Variants in TMTC4 observed in about 807,000 individuals in gnomAD.
TMTC4 encodes transmembrane O-mannosyltransferase targeting cadherins 4, also known as protein O-mannosyl-transferase TMTC4.
Under a neutral mutation model 86.0 loss-of-function variants are expected in TMTC4, and 65 were observed. The observed-to-expected ratio is 0.76, with a 90% CI of 0.62 to 0.93. TMTC4 has a LOEUF of 0.93. Among genes scored for constraint, TMTC4 ranks in the 40% least tolerant of loss-of-function variants. The pLI, the probability that TMTC4 is intolerant of heterozygous loss-of-function variation, is 0.00. For synonymous variants in TMTC4, 379 were observed against 382.5 expected, an observed-to-expected ratio of 0.99 and a Z score of 0.11; for missense variants, 866 against 948.1, an observed-to-expected ratio of 0.91 and a Z score of 1.14.
chr13:100,667,790 C>T (rs1886570264), intron 3 of TMTC4, among the ~76,000 whole-genome samples: 1 of 152,164 alleles, frequency 6.6e-6, no homozygotes, highest in African/African-American at 2.4e-5. Context: ...TGTTGAGAGG[C>T]TCTAACTTGT....
chr13:100,642,202 G>A lies in TMTC4; in HGVS notation c.741+9C>T, dbSNP rs201505165. 1.5e-4 allele frequency: 240 copies of A among 1,613,812 alleles called. No homozygotes were observed. The African/African-American group carries it at 2.7e-3, about 18-fold the overall frequency. ...AAAAAGCAGGCCCCAGCCATGTTGCGGCTCTCACCAGCACAGTGATCCCTT... is the reference window on the plus strand; with the variant it reads ...AAAAAGCAGGCCCCAGCCATGTTGCAGCTCTCACCAGCACAGTGATCCCTT... On this transcript the variant is annotated intron_variant, in intron 7 of 18. Transcript: ENST00000342624.
At chr13:100,607,392 C>T (rs1244709614) in intron 17 of TMTC4, among the ~76,000 whole-genome samples, 1 of 152,078 alleles carries the variant, frequency 6.6e-6, no homozygotes, top group Non-Finnish European at 1.5e-5. Context: ...TAGTACGTGC[C>T]TGTAATCCCA....
At chr13:100,635,428 T>C (rs1034461410) in intron 10 of TMTC4, among the ~76,000 whole-genome samples, 1 of 152,070 alleles carries the variant, frequency 6.6e-6, no homozygotes, top group Non-Finnish European at 1.5e-5. Flanking sequence ...AGGGTAAAAC[T>C]CAAAAGCCAT....
Position 100,663,540 on chromosome 13 carries a change from C to T in TMTC4, c.336-360G>A, listed in dbSNP as rs1331574354. On this transcript the variant is annotated intron_variant, in intron 4 of 18. Coordinates refer to ENST00000342624, the MANE Select transcript of TMTC4 (RefSeq NM_032813.5). ...TATTCCACACACTACTCATGGTTACCCCCTAGGGACCTGGATTTAAGACAG... is the reference window on the plus strand; with the variant it reads ...TATTCCACACACTACTCATGGTTACTCCCTAGGGACCTGGATTTAAGACAG... 3.9e-5 allele frequency among the ~76,000 whole-genome samples: 6 copies of T among 152,116 alleles called. No homozygotes were observed. In the East Asian group the frequency reaches 1.2e-3, roughly 29 times the overall value.
chr13:100,651,385 G>C (rs1221947183), intron 6 of TMTC4, among the ~76,000 whole-genome samples: 1 of 150,800 alleles, frequency 6.6e-6, no homozygotes, highest in Non-Finnish European at 1.5e-5. Flanking sequence ...CATCTCACTA[G>C]TGTTTTTTGT....
At chr13:100,623,256 A>G (rs1344593060) in intron 15 of TMTC4, among the ~76,000 whole-genome samples, 3 of 152,194 alleles carry the variant, frequency 2.0e-5, no homozygotes, top group African/African-American at 7.2e-5. Context: ...TTTTTGAGGC[A>G]GAATCTCACT....
chr13:100,622,380 G>A (rs111594009), intron 15 of TMTC4, among the ~76,000 whole-genome samples: 2,703 of 152,196 alleles, frequency 0.018, 75 homozygotes, highest in African/African-American at 0.06. Context: ...ATAAAAATGC[G>A]GTGATATGGT....
intron 5 of TMTC4, among the ~76,000 whole-genome samples, chr13:100,656,876 A>C (rs542674645): frequency 6.6e-6 from 1 of 152,222 alleles, no homozygotes; most frequent in Admixed American, 6.5e-5. Flanking sequence ...TAAAACAAGA[A>C]ACTTCCTAGA....
chr13:100,636,690 C>T lies in TMTC4; in HGVS notation c.1044G>A (p.Leu348=). 4 of 1,614,212 alleles carry T rather than the reference C, an allele frequency of 2.5e-6. No homozygotes were observed. Among genetic ancestry groups the T allele is most frequent in the South Asian group, 1.1e-5 (1 of 91,080 alleles). Residue 348 remains leucine (L), a synonymous_variant, in exon 10 of 19, where the codon CTG becomes CTA. Transcript: ENST00000342624. ...CAAAACACAGCCACCAGGGACACAG[C>T]AGCAGCCAGGCATTCAATGAATAGT... ...NYYYSLNAWL[L]LCPWWLCFDW...
At chr13:100,623,645 G>GTTTTTTTTT (rs58766408) in intron 15 of TMTC4, among the ~76,000 whole-genome samples, 1 of 113,280 alleles carries the variant, frequency 8.8e-6, no homozygotes, top group Non-Finnish European at 1.7e-5. Context: ...GTTGGGTTTT[G>GTTTTTTTTT]TTTTTTTTTT....
intron 5 of TMTC4, among the ~76,000 whole-genome samples, chr13:100,657,398 A>G (rs572178563): frequency 1.3e-5 from 2 of 152,292 alleles, no homozygotes; most frequent in African/African-American, 4.8e-5. Flanking sequence ...ACAGAATACA[A>G]TTTCTGCCAT....
intron 7 of TMTC4, among the ~76,000 whole-genome samples, chr13:100,640,269 C>T (rs986108436): frequency 6.6e-6 from 1 of 151,938 alleles, no homozygotes; most frequent in Non-Finnish European, 1.5e-5. Flanking sequence ...ACCAGGGACG[C>T]CACTAAACAT....
At chr13:100,636,095 A>C (rs1000787937) in intron 10 of TMTC4, among the ~76,000 whole-genome samples, 9 of 152,228 alleles carry the variant, frequency 5.9e-5, no homozygotes, top group African/African-American at 2.2e-4. Flanking sequence ...CCATCAAGAA[A>C]GAACAGTCTC....
At chr13:100,654,134 C>T (rs1313520333) in intron 6 of TMTC4, among the ~76,000 whole-genome samples, 1 of 152,212 alleles carries the variant, frequency 6.6e-6, no homozygotes, top group Non-Finnish European at 1.5e-5. Context: ...CCCAGTCCAC[C>T]TATCTGTCTT....
rs200326246 is a variant in TMTC4, at chr13:100,605,122, C to G, written c.2155G>C (p.Gly719Arg). Residue 719 changes from glycine to arginine, a missense_variant, in exon 19 of 19, where the codon GGA becomes CGA. Physicochemically the swap from Gly to Arg is moderately radical, Grantham distance 125. Coordinates refer to ENST00000342624, the MANE Select transcript of TMTC4 (RefSeq NM_032813.5). This position sits in a 1 kb window ranked among gnomAD's most constrained non-coding sequence, Gnocchi z 4.3. ...TGTTTCTTGGCCAAGTCTAGATGTC[C>G]CCAACGATGATAAAGCACAGCTGAA... ...GNLAVLYHRWGHLDLAKKHYE... is the reference protein window; with the variant it reads ...GNLAVLYHRWRHLDLAKKHYE... The G allele has an allele frequency of 2.2e-5, 36 of 1,610,502 alleles. No individual in the cohort carries two copies. In the East Asian group the frequency reaches 4.5e-4, roughly 20 times the overall value.
intron 1 of TMTC4, among the ~76,000 whole-genome samples, chr13:100,672,011 T>C (rs1449764628): frequency 6.6e-6 from 1 of 152,194 alleles, no homozygotes; most frequent in African/African-American, 2.4e-5. Context: ...AACTGCTTAG[T>C]CTTTCTAAGA....
At chr13:100,634,491 C>T (rs541565909) in intron 12 of TMTC4, among the ~76,000 whole-genome samples, 4 of 152,004 alleles carry the variant, frequency 2.6e-5, no homozygotes, top group Non-Finnish European at 4.4e-5. Flanking sequence ...AGTCTGAATA[C>T]GCAATGTCAC....
At chr13:100,652,405 G>T (rs1884573700) in intron 6 of TMTC4, among the ~76,000 whole-genome samples, 1 of 152,160 alleles carries the variant, frequency 6.6e-6, no homozygotes, top group Non-Finnish European at 1.5e-5. Flanking sequence ...CTTGAACCTG[G>T]GAGGCAGAGG....
At chr13:100,634,031 C>T (rs1015405298) in intron 12 of TMTC4, among the ~76,000 whole-genome samples, 3 of 151,720 alleles carry the variant, frequency 2.0e-5, no homozygotes, top group African/African-American at 7.3e-5. Flanking sequence ...TCTAGCTACT[C>T]AGGAGGCTGA....
Sources: gnomAD v4.1 joint callset for allele counts (sites outside exome capture counted in the v4.1 genomes callset) on GRCh38, gnomAD v4.1.1 for gene constraint, Gnocchi (gnomAD v3.1) non-coding constraint, MANE v1.5 for transcripts, NCBI Gene and HGNC (gene_info 2026-07-23, HGNC 2026-07-21) for gene names.